The following NCOA2 variants were observed in gnomAD, a reference collection of about 807,000 sequenced individuals.
NCOA2 encodes the protein nuclear receptor coactivator 2, also known as class E basic helix-loop-helix protein 75.
A neutral mutation model predicts 145.1 loss-of-function variants in NCOA2; 21 were observed. The ratio of observed to expected loss-of-function variants is 0.14; its 90% CI spans 0.10 to 0.21. NCOA2 has a LOEUF of 0.21. NCOA2 is among the 10% of genes least tolerant of loss of function. NCOA2 has a pLI of 1.00. For missense variants in NCOA2, 1,472 were observed against 1,837.6 expected (o/e 0.80, Z 3.64); for synonymous variants, 619 against 637.5 (o/e 0.97, Z 0.44).
chr8:70,366,742 TAA>T (rs34947410), intron 1 of NCOA2, among the ~76,000 whole-genome samples: 106 of 138,506 alleles, frequency 7.7e-4, no homozygotes, highest in African/African-American at 1.3e-3. Context: ...CCATTGGCTT[TAA>T]AAAAAAAAAA....
At chr8:70,306,734 C>A (rs749702687) in intron 1 of NCOA2, among the ~76,000 whole-genome samples, 18 of 152,022 alleles carry the variant, frequency 1.2e-4, no homozygotes, top group Non-Finnish European at 1.9e-4. Flanking sequence ...CAAAAATTAG[C>A]CAGGTGTGGT....
At chr8:70,196,753 G>A (rs1428191086) in intron 4 of NCOA2, among the ~76,000 whole-genome samples, 4 of 152,126 alleles carry the variant, frequency 2.6e-5, no homozygotes, top group African/African-American at 9.7e-5. Context: ...GAATTTCTCT[G>A]TGGAACAACA....
intron 2 of NCOA2, among the ~76,000 whole-genome samples, chr8:70,262,678 ACAGTGG>A: frequency 6.6e-6 from 1 of 152,352 alleles, no homozygotes; most frequent in South Asian, 2.1e-4. Flanking sequence ...TGCTAAAAAA[ACAGTGG>A]CAGTCAATGT....
At chr8:70,229,746 C>T (rs934053039) in intron 2 of NCOA2, among the ~76,000 whole-genome samples, 7 of 152,178 alleles carry the variant, frequency 4.6e-5, no homozygotes, top group Non-Finnish European at 8.8e-5. Flanking sequence ...CAGAAATGCA[C>T]TCTCTGGCTC....
At chr8:70,297,502 CT>C (rs942601269) in intron 1 of NCOA2, among the ~76,000 whole-genome samples, 1 of 152,048 alleles carries the variant, frequency 6.6e-6, no homozygotes, top group Admixed American at 6.6e-5. Context: ...CCCAGCTAAT[CT>C]TTTATTTTTT....
chr8:70,118,896 C>T (rs1282233727), intron 22 of NCOA2, among the ~76,000 whole-genome samples: 1 of 152,084 alleles, frequency 6.6e-6, no homozygotes, highest in East Asian at 1.9e-4. Context: ...CCATGTTAGC[C>T]AGGCTAGTCT....
At chr8:70,214,850 G>GGCCC (rs1314933197) in intron 3 of NCOA2, among the ~76,000 whole-genome samples, 1 of 151,898 alleles carries the variant, frequency 6.6e-6, no homozygotes, top group African/African-American at 2.4e-5. Context: ...TGCAAAGGGG[G>GGCCC]GCCCATTAAA....
intron 4 of NCOA2, among the ~76,000 whole-genome samples, chr8:70,195,440 G>A (rs1203699586): frequency 2.0e-5 from 3 of 152,126 alleles, no homozygotes; most frequent in Non-Finnish European, 4.4e-5. Context: ...ATTGAAACGT[G>A]GGGTCCTATC....
intron 13 of NCOA2, among the ~76,000 whole-genome samples, chr8:70,143,624 T>C (rs560847532): frequency 2.0e-4 from 30 of 152,314 alleles, no homozygotes; most frequent in African/African-American, 7.0e-4. Context: ...AGTTCACAGT[T>C]GCCATGAATT....
rs76127356 is a variant in NCOA2, at chr8:70,382,600, G to A, written c.-77+21100C>T. Among the ~76,000 whole-genome samples the A allele has an allele frequency of 3.6e-3, 544 of 152,214 alleles. 5 individuals carry two copies. Among genetic ancestry groups the A allele is most frequent in the African/African-American group, 0.012 (490 of 41,524 alleles). On this transcript the variant is annotated intron_variant, in intron 1 of 22. Coordinates refer to ENST00000452400, the MANE Select transcript of NCOA2 (RefSeq NM_006540.4). Reference sequence around the variant, plus strand: ...CAGGAATTCCAGAAGAACCAGGGAGGGAAGCTAGTAGATATCTATTTTGAA... The same window carrying A: ...CAGGAATTCCAGAAGAACCAGGGAGAGAAGCTAGTAGATATCTATTTTGAA...
chr8:70,236,819 T>G (rs1449256696), intron 2 of NCOA2, among the ~76,000 whole-genome samples: 1 of 152,238 alleles, frequency 6.6e-6, no homozygotes, highest in East Asian at 1.9e-4. Context: ...ATGCAATTAC[T>G]ATGCCATTTC....
intron 22 of NCOA2, among the ~76,000 whole-genome samples, chr8:70,119,702 A>G (rs1309413514): frequency 3.3e-5 from 5 of 152,156 alleles, no homozygotes; most frequent in African/African-American, 1.2e-4. Context: ...TCTTGCCGAC[A>G]TCTGTTATTT....
the NCOA2 span, among the ~76,000 whole-genome samples, chr8:70,419,825 A>G: frequency 6.6e-6 from 1 of 152,216 alleles, no homozygotes; most frequent in Non-Finnish European, 1.5e-5. Context: ...CTATTGATAT[A>G]ACTATAATGT....
intron 1 of NCOA2, among the ~76,000 whole-genome samples, chr8:70,335,146 AAAAAAAAGATC>A (rs1807466449): frequency 2.0e-5 from 3 of 149,772 alleles, no homozygotes; most frequent in East Asian, 2.0e-4. Context: ...AAAAAAAAAA[AAAAAAAAGATC>A]TCTCCCTATG....
intron 2 of NCOA2, among the ~76,000 whole-genome samples, chr8:70,223,773 A>C (rs569881189): frequency 6.6e-6 from 1 of 152,228 alleles, no homozygotes; most frequent in Non-Finnish European, 1.5e-5. Flanking sequence ...AAGGCCACAC[A>C]GGAAGTCTTG....
chr8:70,174,577 T>C (rs1585958288), intron 5 of NCOA2, among the ~76,000 whole-genome samples, 179 bp downstream of exon 5: 1 of 152,168 alleles, frequency 6.6e-6, no homozygotes, highest in Non-Finnish European at 1.5e-5. Context: ...AACACACATA[T>C]ACTGGCAGCA....
intron 2 of NCOA2, among the ~76,000 whole-genome samples, chr8:70,268,362 G>A (rs1824779390): frequency 6.6e-6 from 1 of 152,056 alleles, no homozygotes; most frequent in African/African-American, 2.4e-5. Context: ...GGCTCCTCAT[G>A]TACCCTCTAA....
At chr8:70,361,701 AAT>A (rs1810216836) in intron 1 of NCOA2, among the ~76,000 whole-genome samples, 1 of 152,246 alleles carries the variant, frequency 6.6e-6, no homozygotes, top group Admixed American at 6.5e-5. Flanking sequence ...CTGTTCCATT[AAT>A]AGAGAAATCT....
At chr8:70,438,673 T>C in the NCOA2 span, among the ~76,000 whole-genome samples, 3 of 152,260 alleles carry the variant, frequency 2.0e-5, no homozygotes, top group Non-Finnish European at 4.4e-5. Context: ...TCGTTGCCAT[T>C]GAATTTACAT....
Sources: gnomAD v4.1 joint callset for allele counts (sites outside exome capture counted in the v4.1 genomes callset) on GRCh38, gnomAD v4.1.1 for gene constraint, MANE v1.5 for transcripts, NCBI Gene and HGNC (gene_info 2026-07-23, HGNC 2026-07-21) for gene names.